Variants in SENP1 observed in about 807,000 individuals in gnomAD.
SENP1 encodes the protein SUMO specific peptidase 1.
In SENP1, 21 loss-of-function variants were observed where a neutral mutation model predicts 93.0. The observed-to-expected ratio is 0.23, with a 90% CI of 0.16 to 0.33. SENP1 has a LOEUF of 0.33. Ranked by LOEUF, SENP1 falls within the 10% of genes least tolerant of loss-of-function variation. The pLI is 1.00. For missense variants in SENP1, 591 were observed against 758.7 expected (o/e 0.78, Z 2.60); for synonymous variants, 256 against 259.6 (o/e 0.99, Z 0.13).
intron 2 of SENP1, among the ~76,000 whole-genome samples, chr12:48,101,210 C>A (rs1005080398): frequency 6.6e-5 from 10 of 152,316 alleles, no homozygotes; most frequent in African/African-American, 2.4e-4. Flanking sequence ...TGCTTGAACC[C>A]AGGAGACAGA....
intron 13 of SENP1, among the ~76,000 whole-genome samples, chr12:48,056,635 T>TATATTAC (rs1565744976): frequency 1.2e-4 from 7 of 58,222 alleles, no homozygotes; most frequent in Admixed American, 3.4e-4. Flanking sequence ...TATTATTTAA[T>TATATTAC]ATATTACATA....
At chr12:48,045,720 T>G (rs1395152042) in intron 17 of SENP1, among the ~76,000 whole-genome samples, 3 of 152,116 alleles carry the variant, frequency 2.0e-5, no homozygotes, top group Non-Finnish European at 4.4e-5. Context: ...AAATAAAAAA[T>G]TCACCTTTTA....
intron 13 of SENP1, among the ~76,000 whole-genome samples, chr12:48,053,500 A>G (rs1339077325): frequency 2.0e-5 from 3 of 151,410 alleles, no homozygotes; most frequent in African/African-American, 7.3e-5. Context: ...AAAAAAAAAA[A>G]GAATGTTCAT....
intron 12 of SENP1, 109 bp downstream of exon 12, chr12:48,064,956 C>A: frequency 2.6e-6 from 2 of 765,694 alleles, no homozygotes; most frequent in Admixed American, 2.4e-5. Context: ...GGATTACAGG[C>A]GTGAGCCACC....
chr12:48,079,680 C>T (rs1350583717), intron 6 of SENP1, among the ~76,000 whole-genome samples: 2 of 151,982 alleles, frequency 1.3e-5, no homozygotes, highest in African/African-American at 4.8e-5. Context: ...GGGACAGAGT[C>T]CTGTAGTTAG....
chr12:48,084,947 A>G, intron 5 of SENP1: 1 of 549,048 alleles, frequency 1.8e-6, no homozygotes. Flanking sequence ...AGATCTAAAG[A>G]AAATCAAACA....
intron 5 of SENP1, among the ~76,000 whole-genome samples, chr12:48,085,902 C>T (rs991680489): frequency 3.3e-5 from 5 of 152,032 alleles, no homozygotes; most frequent in African/African-American, 9.7e-5. Context: ...CCAGAGTATG[C>T]GTGCGCCTAT....
Position 48,075,430 on chromosome 12 carries a change from T to C in SENP1, c.553-637A>G, listed in dbSNP as rs550664069. 3.0e-4 allele frequency among the ~76,000 whole-genome samples: 45 copies of C among 152,282 alleles called. No homozygotes were observed. The South Asian group carries it at 9.3e-3, about 32-fold the overall frequency. Reference sequence around the variant, plus strand: ...TCCCAGAAAAAAAGGGCCTCTAAATTAGGATTCCAACAAATCCCTTGACTC... The same window carrying C: ...TCCCAGAAAAAAAGGGCCTCTAAATCAGGATTCCAACAAATCCCTTGACTC... On this transcript the variant is annotated intron_variant, in intron 6 of 17. Transcript: ENST00000549518.
At chr12:48,073,821 GC>G (rs1943884575) in intron 8 of SENP1, among the ~76,000 whole-genome samples, 1 of 152,190 alleles carries the variant, frequency 6.6e-6, no homozygotes, top group African/African-American at 2.4e-5. Context: ...AAGTGCTGAA[GC>G]AATTGGGCTG....
intron 6 of SENP1, among the ~76,000 whole-genome samples, chr12:48,080,868 A>G (rs182780369): frequency 8.4e-4 from 128 of 152,320 alleles, no homozygotes; most frequent in South Asian, 2.9e-3. Flanking sequence ...ATTTCATAGA[A>G]TAGATTCTTA....
chr12:48,089,235 T>C, intron 4 of SENP1: 16 of 1,442,622 alleles, frequency 1.1e-5, no homozygotes, highest in Non-Finnish European at 1.4e-5. Flanking sequence ...CTCCGTGGTG[T>C]CCACCAAAAG....
chr12:48,091,134 A>G (rs915320071), intron 4 of SENP1, among the ~76,000 whole-genome samples: 4 of 152,202 alleles, frequency 2.6e-5, no homozygotes, highest in Non-Finnish European at 4.4e-5. Context: ...TTTTATGAAT[A>G]TAATAAACTT....
At chr12:48,057,941 C>CTTTTTTTTT (rs370210767) in intron 13 of SENP1, among the ~76,000 whole-genome samples, 2 of 85,682 alleles carry the variant, frequency 2.3e-5, no homozygotes, top group African/African-American at 4.9e-5. Flanking sequence ...TTTATTTCCT[C>CTTTTTTTTT]TTTTTTTTTT....
chr12:48,049,167 C>T (rs928863396), intron 13 of SENP1, 35 bp from the exon 14 acceptor site: 4 of 1,527,826 alleles, frequency 2.6e-6, no homozygotes, highest in East Asian at 2.3e-5. Flanking sequence ...AGAATAGACA[C>T]TCAGGCCTAG....
At chr12:48,068,252 G>A (rs1024980245) in intron 9 of SENP1, among the ~76,000 whole-genome samples, 18 of 152,010 alleles carry the variant, frequency 1.2e-4, no homozygotes, top group Admixed American at 1.0e-3. Flanking sequence ...CACTGGCTCC[G>A]GAAAACAAAA....
At chr12:48,061,608 A>G (rs760278886) in intron 13 of SENP1, among the ~76,000 whole-genome samples, 1 of 152,058 alleles carries the variant, frequency 6.6e-6, no homozygotes, top group Non-Finnish European at 1.5e-5. Context: ...GGGTCTTGCT[A>G]TGTTGCCCAG....
At chr12:48,079,992 G>T (rs926329220) in intron 6 of SENP1, 1 of 152,208 alleles carries the variant, frequency 6.6e-6, no homozygotes, top group Non-Finnish European at 1.5e-5. Context: ...CAAAAGTCCA[G>T]TATCTTAAAA....
intron 8 of SENP1, 23 bp from the exon 9 acceptor site, chr12:48,071,744 C>A: frequency 6.5e-7 from 1 of 1,538,674 alleles, no homozygotes; most frequent in South Asian, 1.1e-5. Flanking sequence ...AAGAGCATTT[C>A]ATTAGTAATA....
At chr12:48,103,828 G>A (rs967619635) in intron 1 of SENP1, among the ~76,000 whole-genome samples, 1 of 152,162 alleles carries the variant, frequency 6.6e-6, no homozygotes, top group Non-Finnish European at 1.5e-5. Flanking sequence ...TCACAGTCTT[G>A]ACAACTGCGG....
Sources: allele counts gnomAD v4.1 joint callset (sites outside exome capture counted in the v4.1 genomes callset), GRCh38; gene constraint gnomAD v4.1.1; transcripts MANE v1.5; gene names NCBI Gene and HGNC (gene_info 2026-07-23, HGNC 2026-07-21).